The following LMNTD1 variants were observed in gnomAD, a reference collection of about 807,000 sequenced individuals.
The protein encoded by LMNTD1 is lamin tail domain containing 1, also known as lamin tail domain-containing protein 1.
LMNTD1 carries 35 observed loss-of-function variants against 50.9 expected under a neutral mutation model. The observed-to-expected ratio is 0.69, with a 90% CI of 0.53 to 0.91. LMNTD1 has a LOEUF of 0.91. Among genes scored for constraint, LMNTD1 ranks in the 40% least tolerant of loss-of-function variants. LMNTD1 has a pLI of 0.00. For synonymous variants in LMNTD1, 153 were observed against 161.9 expected (o/e 0.94, Z 0.42); for missense variants, 470 against 475.5 (o/e 0.99, Z 0.11).
chr12:25,542,418 G>A (rs1255642116), intron 4 of LMNTD1, among the ~76,000 whole-genome samples: 1 of 150,744 alleles, frequency 6.6e-6, no homozygotes, highest in East Asian at 1.9e-4. Flanking sequence ...CATGTCCTTT[G>A]TAGGGACATG....
At chr12:25,546,189 G>C (rs1457609208) in intron 4 of LMNTD1, among the ~76,000 whole-genome samples, 185 bp downstream of exon 4, 2 of 151,450 alleles carry the variant, frequency 1.3e-5, no homozygotes, top group Non-Finnish European at 3.0e-5. Flanking sequence ...TTTCTTGTTT[G>C]GTTCTTTAGA....
chr12:25,509,382 A>G (rs1021532986), intron 8 of LMNTD1, among the ~76,000 whole-genome samples: 12 of 152,370 alleles, frequency 7.9e-5, no homozygotes, highest in Admixed American at 7.2e-4. Flanking sequence ...TGCTGGGATT[A>G]CTGGCATGAG....
chr12:25,579,325 G>A (rs1335832813), intron 1 of LMNTD1, among the ~76,000 whole-genome samples: 1 of 151,942 alleles, frequency 6.6e-6, no homozygotes. Context: ...TATATATATA[G>A]CATTTACATT....
At position 25,552,960 on chromosome 12, in the gene LMNTD1, C is replaced by T; in HGVS notation, c.-1G>A. On this transcript the variant is annotated 5_prime_UTR_variant, in exon 2 of 10. Coordinates refer to ENST00000458174, the MANE Select transcript of LMNTD1 (RefSeq NM_001145728.2). ...CCTGAATGTCTTGTGTATCTTTCAT[C>T]TTGGCTAGAAAAGAAGTCTCTTTTC... 6.3e-7 allele frequency: 1 copy of T among 1,591,856 alleles called. No individual in the cohort carries two copies. Among genetic ancestry groups the T allele is most frequent in the Non-Finnish European group, 8.6e-7 (1 of 1,167,692 alleles).
intron 4 of LMNTD1, among the ~76,000 whole-genome samples, chr12:25,532,528 A>G (rs1466592751): frequency 6.6e-6 from 1 of 152,144 alleles, no homozygotes; most frequent in Non-Finnish European, 1.5e-5. Flanking sequence ...TGAGGAGAAA[A>G]GTGGCTCTAA....
intron 6 of LMNTD1, among the ~76,000 whole-genome samples, chr12:25,521,911 C>A (rs1448483053): frequency 6.6e-6 from 1 of 152,156 alleles, no homozygotes; most frequent in Non-Finnish European, 1.5e-5. Context: ...ACAACATACA[C>A]GTGCAAAAAT....
chr12:25,620,478 G>A (rs1946447951), intron 1 of LMNTD1, among the ~76,000 whole-genome samples: 2 of 151,948 alleles, frequency 1.3e-5, no homozygotes, highest in South Asian at 2.1e-4. Flanking sequence ...GATGAGAAAG[G>A]TGGTAAAGTA....
chr12:25,518,643 T>C, intron 8 of LMNTD1, 152 bp downstream of exon 8: 1 of 644,326 alleles, frequency 1.6e-6, no homozygotes, highest in Non-Finnish European at 2.7e-6. Flanking sequence ...TGTAAGTGAA[T>C]GGTTAACAAT....
chr12:25,480,944 A>C (rs1938424628), intron 9 of LMNTD1, among the ~76,000 whole-genome samples: 2 of 152,210 alleles, frequency 1.3e-5, no homozygotes, highest in Admixed American at 6.5e-5. Flanking sequence ...AAGAATCTTT[A>C]GGCATCAAGG....
At chr12:25,618,552 A>C (rs192361297) in intron 1 of LMNTD1, among the ~76,000 whole-genome samples, 1 of 152,202 alleles carries the variant, frequency 6.6e-6, no homozygotes. Flanking sequence ...CCTTAGTGGG[A>C]GTGATTTTAT....
At chr12:25,643,601 A>G (rs1446785192) in intron 1 of LMNTD1, among the ~76,000 whole-genome samples, 2 of 152,174 alleles carry the variant, frequency 1.3e-5, no homozygotes, top group Non-Finnish European at 2.9e-5. Flanking sequence ...CCAATTTTTA[A>G]ACCGATTGCT....
At chr12:25,528,706 C>T (rs996980373) in intron 4 of LMNTD1, among the ~76,000 whole-genome samples, 6 of 152,172 alleles carry the variant, frequency 3.9e-5, no homozygotes, top group Non-Finnish European at 8.8e-5. Flanking sequence ...CCATAGCCCA[C>T]CCCATTTCCA....
intron 9 of LMNTD1, among the ~76,000 whole-genome samples, chr12:25,490,854 G>T (rs1732399226): frequency 6.6e-6 from 1 of 152,204 alleles, no homozygotes; most frequent in East Asian, 1.9e-4. Flanking sequence ...TGGTAGGTCT[G>T]GGTGGGTTCT....
At position 25,543,939 on chromosome 12, in the gene LMNTD1, C is replaced by T. The variant is rs369626957; in HGVS notation, c.491+2435G>A. 2.6e-5 allele frequency among the ~76,000 whole-genome samples: 4 copies of T among 151,926 alleles called. No homozygotes were observed. In the East Asian group the frequency reaches 5.8e-4, roughly 22 times the overall value. On this transcript the variant is annotated intron_variant, in intron 4 of 9. Coordinates refer to ENST00000458174, the MANE Select transcript of LMNTD1 (RefSeq NM_001145728.2). The stretch of plus-strand genomic sequence containing the variant: ...ATTTCTGGTTTTATTCCAATGTGGT[C>T]ACAAAAGTACTTGACATAATTTTTA...
chr12:25,518,559 T>C (rs967610330), intron 8 of LMNTD1, among the ~76,000 whole-genome samples: 5 of 152,226 alleles, frequency 3.3e-5, no homozygotes, highest in East Asian at 3.8e-4. Flanking sequence ...TTTTAATTCA[T>C]TGATTCATTC....
chr12:25,603,389 T>A (rs1298056958), intron 1 of LMNTD1, among the ~76,000 whole-genome samples: 1 of 151,988 alleles, frequency 6.6e-6, no homozygotes. Flanking sequence ...AGCATGGGAG[T>A]TATCTGCCTT....
chr12:25,533,278 A>T (rs550565962), intron 4 of LMNTD1, among the ~76,000 whole-genome samples: 1 of 152,128 alleles, frequency 6.6e-6, no homozygotes, highest in African/African-American at 2.4e-5. Context: ...CTTTAATAGG[A>T]AAGTGACCTG....
At position 25,603,946 on chromosome 12, in the gene LMNTD1, TG is replaced by T. The variant is rs5797140; in HGVS notation, c.58+44547del. 9.6e-3 allele frequency among the ~76,000 whole-genome samples: 1,461 copies of T among 151,818 alleles called. 28 individuals carry two copies. The highest frequency in any genetic ancestry group is 0.034 in the African/African-American group (1,410 of 41,436). On this transcript the variant is annotated intron_variant, in intron 1 of 7. Transcript: ENST00000445693. Reference sequence around the variant, plus strand: ...AAATACCAGAGACACATACGAATATTGGGGGGGAAGGCTGACAAGTGGATCA... The same window carrying T: ...AAATACCAGAGACACATACGAATATTGGGGGGAAGGCTGACAAGTGGATCA...
At chr12:25,641,856 C>T (rs864359) in intron 1 of LMNTD1, among the ~76,000 whole-genome samples, 150,451 of 152,068 alleles carry the variant, frequency 0.99, 74,449 homozygotes, top group Middle Eastern at 1. Context: ...AATTTTTTTT[C>T]ACTCTTGAAT....
Sources: gnomAD v4.1 joint callset for allele counts (sites outside exome capture counted in the v4.1 genomes callset) on GRCh38, gnomAD v4.1.1 for gene constraint, MANE v1.5 for transcripts, NCBI Gene and HGNC (gene_info 2026-07-23, HGNC 2026-07-21) for gene names.